The following HYDIN variants were observed in gnomAD, a reference collection of about 807,000 sequenced individuals.
HYDIN encodes axonemal central pair apparatus protein HYDIN.
Under a neutral mutation model 403.9 loss-of-function variants are expected in HYDIN, and 132 were observed. That is an observed-to-expected ratio of 0.33 (90% CI 0.28 to 0.38). The LOEUF (loss-of-function observed/expected upper bound fraction) is 0.38, where lower values mean the gene tolerates loss of function less well. Ranked by LOEUF, HYDIN falls within the 10% of genes least tolerant of loss-of-function variation. The probability of loss-of-function intolerance (pLI) is 1.00; values close to 1 mark genes in which losing one functional copy is unlikely to be tolerated. For missense variants in HYDIN, 2,827 were observed against 5,009.5 expected (o/e 0.56, Z 13.15); for synonymous variants, 1,202 against 1,891.7 (o/e 0.64, Z 9.46).
chr16:71,198,394 C>G (rs1024682953), intron 1 of HYDIN, among the ~76,000 whole-genome samples: 1 of 152,136 alleles, frequency 6.6e-6, no homozygotes, highest in African/African-American at 2.4e-5. Context: ...ACTGCTAGAT[C>G]ATAGAGTATG....
intron 1 of HYDIN, among the ~76,000 whole-genome samples, chr16:71,217,078 A>G (rs1443211266): frequency 6.6e-6 from 1 of 152,232 alleles, no homozygotes; most frequent in Non-Finnish European, 1.5e-5. Flanking sequence ...CTCCAGTTAA[A>G]TGATGCTTTC....
At chr16:70,870,783 A>AT (rs926280928) in intron 65 of HYDIN, among the ~76,000 whole-genome samples, 1 of 150,628 alleles carries the variant, frequency 6.6e-6, no homozygotes, top group African/African-American at 2.4e-5. Context: ...TAATCCCAGC[A>AT]TTTTGGGAGG....
At chr16:71,027,498 C>T (rs2080750118) in intron 20 of HYDIN, 104 bp downstream of exon 20, 1 of 1,538,944 alleles carries the variant, frequency 6.5e-7, no homozygotes. Flanking sequence ...CTTGAGAAAC[C>T]ATATCCTTCC....
chr16:71,056,731 C>G (rs2081910932), intron 18 of HYDIN, among the ~76,000 whole-genome samples: 1 of 152,264 alleles, frequency 6.6e-6, no homozygotes, highest in South Asian at 2.1e-4. Context: ...GAACTTCCAG[C>G]ACCTGAATTT....
chr16:70,806,595 C>T lies in HYDIN; in HGVS notation c.*985G>A, dbSNP rs1369748102. On this transcript the variant is annotated 3_prime_UTR_variant, in exon 86 of 86. Coordinates refer to ENST00000393567, the MANE Select transcript of HYDIN (RefSeq NM_001270974.2). Reference sequence around the variant, plus strand: ...GCCCAGGGACCATTTTTAAGACCCACTTCTTTACGGCATTCATTCCCAAGA... The same window carrying T: ...GCCCAGGGACCATTTTTAAGACCCATTTCTTTACGGCATTCATTCCCAAGA... Among the ~76,000 whole-genome samples, 2 of 152,162 alleles carry T rather than the reference C, an allele frequency of 1.3e-5. No individual in the cohort carries two copies. The highest frequency in any genetic ancestry group is 6.5e-5 in the Admixed American group (1 of 15,286).
intron 16 of HYDIN, among the ~76,000 whole-genome samples, chr16:71,063,305 C>G (rs980410520): frequency 2.0e-5 from 3 of 152,230 alleles, no homozygotes; most frequent in Non-Finnish European, 4.4e-5. Context: ...CTCCCTGTGC[C>G]GCAGTGCTCC....
intron 78 of HYDIN, among the ~76,000 whole-genome samples, chr16:70,834,892 A>G (rs150817580): frequency 0.15 from 19,283 of 127,054 alleles, 1,670 homozygotes; most frequent in African/African-American, 0.27. Flanking sequence ...GTGTGTGTGT[A>G]TATATATATA....
At chr16:70,810,639 G>A (rs1424769290) in intron 84 of HYDIN, among the ~76,000 whole-genome samples, 1 of 152,142 alleles carries the variant, frequency 6.6e-6, no homozygotes, top group Non-Finnish European at 1.5e-5. Flanking sequence ...AAACCAGGCT[G>A]ACCAACATGG....
chr16:71,110,188 C>A (rs1741807316), intron 10 of HYDIN, among the ~76,000 whole-genome samples: 1 of 145,784 alleles, frequency 6.9e-6, no homozygotes, highest in South Asian at 2.1e-4. Context: ...GCTTTATTTT[C>A]TTGGTGCTAG....
intron 49 of HYDIN, among the ~76,000 whole-genome samples, chr16:70,907,910 T>C (rs2076579454): frequency 6.6e-6 from 1 of 151,370 alleles, no homozygotes; most frequent in African/African-American, 2.4e-5. Flanking sequence ...CTTGGAAAAA[T>C]TTCACCCATG....
intron 45 of HYDIN, among the ~76,000 whole-genome samples, chr16:70,926,138 A>G (rs945873361): frequency 1.4e-4 from 20 of 147,982 alleles, no homozygotes; most frequent in Non-Finnish European, 2.3e-4. Context: ...TATAAATCAT[A>G]CTGCTATAAC....
At chr16:70,907,111 G>A (rs1472168570) in intron 50 of HYDIN, among the ~76,000 whole-genome samples, 1 of 151,986 alleles carries the variant, frequency 6.6e-6, no homozygotes, top group African/African-American at 2.4e-5. Flanking sequence ...CTGAACATAA[G>A]CTAAAGCAAA....
chr16:71,068,133 A>G (rs372402425), intron 14 of HYDIN, among the ~76,000 whole-genome samples: 230 of 148,394 alleles, frequency 1.5e-3, no homozygotes, highest in African/African-American at 5.6e-3. Flanking sequence ...CTGTGTTTTT[A>G]TTTCCTGCTG....
intron 28 of HYDIN, among the ~76,000 whole-genome samples, chr16:70,982,293 T>C: frequency 6.6e-6 from 1 of 151,238 alleles, no homozygotes. Context: ...TCAAAAACCT[T>C]AGAGTGATCT....
chr16:71,039,684 A>T (rs1490384686), intron 18 of HYDIN, among the ~76,000 whole-genome samples: 2 of 152,170 alleles, frequency 1.3e-5, no homozygotes, highest in East Asian at 3.9e-4. Flanking sequence ...TCAGGGGAAG[A>T]TCACCTACCT....
intron 8 of HYDIN, chr16:71,131,676 C>T (rs1350835225): frequency 6.6e-6 from 1 of 151,138 alleles, no homozygotes; most frequent in Non-Finnish European, 1.5e-5. Context: ...TATAATTTAA[C>T]ACTCATAACT....
At chr16:70,836,563 G>A (rs1347987404) in intron 77 of HYDIN, among the ~76,000 whole-genome samples, 11 of 152,214 alleles carry the variant, frequency 7.2e-5, no homozygotes, top group Non-Finnish European at 1.5e-4. Flanking sequence ...CAAGTCCTCA[G>A]GTAAGACACT....
chr16:71,175,656 G>A lies in HYDIN; in HGVS notation c.467C>T (p.Pro156Leu), dbSNP rs1277919268. 3 of 1,614,006 alleles carry A rather than the reference G, an allele frequency of 1.9e-6. No individual in the cohort carries two copies. Among genetic ancestry groups the A allele is most frequent in the Non-Finnish European group, 1.7e-6 (2 of 1,179,926 alleles). ...GATTCGGAATATGGAAGGCACTCCAGGAGCCACTTTGTGGCCAATATCTTT... is the reference window on the plus strand; with the variant it reads ...GATTCGGAATATGGAAGGCACTCCAAGAGCCACTTTGTGGCCAATATCTTT... The part of the protein sequence containing the change: ...SPKDIGHKVA[P>L]GVPSIFRILF... The change falls in exon 5 of 86, where the codon CCT (proline) becomes CTT (leucine). Residue 156 changes from proline to leucine, a missense_variant. Transcript: ENST00000393567.
At chr16:71,154,579 A>C (rs2085681631) in intron 6 of HYDIN, among the ~76,000 whole-genome samples, 4 of 94,228 alleles carry the variant, frequency 4.2e-5, no homozygotes, top group Admixed American at 1.2e-4. Flanking sequence ...TCCCACCTCC[A>C]GTAACCATTC....
Sources: gnomAD v4.1 joint callset for allele counts (sites outside exome capture counted in the v4.1 genomes callset) on GRCh38, gnomAD v4.1.1 for gene constraint, MANE v1.5 for transcripts, NCBI Gene and HGNC (gene_info 2026-07-23, HGNC 2026-07-21) for gene names.